Variants in PPIP5K2 observed in about 807,000 individuals in gnomAD.
PPIP5K2 encodes the protein diphosphoinositol pentakisphosphate kinase 2.
A neutral mutation model predicts 154.6 loss-of-function variants in PPIP5K2; 105 were observed. The observed-to-expected ratio is 0.68, with a 90% CI of 0.58 to 0.80. The LOEUF is 0.80. Among genes scored for constraint, PPIP5K2 ranks in the 30% least tolerant of loss-of-function variants. The probability of loss-of-function intolerance (pLI) is 0.00; values close to 1 mark genes in which losing one functional copy is unlikely to be tolerated. For synonymous variants in PPIP5K2, 480 were observed against 490.3 expected (o/e 0.98, Z 0.28); for missense variants, 992 against 1,504.6 (o/e 0.66, Z 5.64).
Position 103,177,917 on chromosome 5 carries a change from CA to C in PPIP5K2, c.2694del (p.Gly899ValfsTer47). The C allele has an allele frequency of 6.2e-7, 1 of 1,613,176 alleles. No homozygotes were observed. The highest frequency in any genetic ancestry group is 8.5e-7 in the Non-Finnish European group (1 of 1,179,378). On this transcript the variant is annotated frameshift_variant, in exon 23 of 31. Coordinates refer to ENST00000358359, the MANE Select transcript of PPIP5K2 (RefSeq NM_001276277.3). LOFTEE classifies it high-confidence loss of function. Reference protein sequence around the residue: ...HVELHFSPGAKGCEEDKNLPS... With the variant: ...HVELHFSPGAXGCEEDKNLPS... ...TTGAATTACACTTTAGTCCGGGAGC[CA>C]AAGGTTGTGAAGAAGACAAAAATTT...
intron 14 of PPIP5K2, among the ~76,000 whole-genome samples, chr5:103,157,224 A>T (rs1281011140): frequency 6.6e-6 from 1 of 152,052 alleles, no homozygotes; most frequent in African/African-American, 2.4e-5. Context: ...CCCAACACAG[A>T]TCTTAATACC....
intron 21 of PPIP5K2, chr5:103,177,001 T>C: frequency 1.1e-6 from 1 of 908,028 alleles, no homozygotes; most frequent in Middle Eastern, 2.3e-4. Context: ...AGGCCTATAT[T>C]GCATACATGA....
chr5:103,129,926 T>A (rs1190950196), intron 2 of PPIP5K2, among the ~76,000 whole-genome samples: 1 of 152,196 alleles, frequency 6.6e-6, no homozygotes, highest in Non-Finnish European at 1.5e-5. Context: ...GTGATACGCA[T>A]AGTGTAACTC....
At chr5:103,151,222 A>G (rs782810408) in intron 8 of PPIP5K2, 31 bp from the exon 9 acceptor site, 1 of 1,540,992 alleles carries the variant, frequency 6.5e-7, no homozygotes, top group South Asian at 1.2e-5. Context: ...ATTTAAATAA[A>G]ACCTTAAAGT....
chr5:103,164,881 A>G (rs1297597955), intron 17 of PPIP5K2, among the ~76,000 whole-genome samples: 1 of 152,096 alleles, frequency 6.6e-6, no homozygotes. Context: ...CTTTTATTCA[A>G]AAAAATTCAT....
At chr5:103,132,355 C>T (rs940782160) in intron 2 of PPIP5K2, among the ~76,000 whole-genome samples, 4 of 152,018 alleles carry the variant, frequency 2.6e-5, no homozygotes, top group African/African-American at 9.7e-5. Context: ...TCCTGGCTAA[C>T]ACGATGAAAC....
intron 4 of PPIP5K2, among the ~76,000 whole-genome samples, chr5:103,137,336 G>A (rs1291971885): frequency 2.0e-5 from 3 of 151,738 alleles, no homozygotes; most frequent in African/African-American, 7.3e-5. Context: ...CTAATTTTTT[G>A]TATTTTTAGT....
chr5:103,128,869 T>C (rs1554201571), intron 1 of PPIP5K2, among the ~76,000 whole-genome samples: 1 of 152,212 alleles, frequency 6.6e-6, no homozygotes, highest in African/African-American at 2.4e-5. Flanking sequence ...TTTTACAAAT[T>C]GACTTAATGT....
In PPIP5K2 at chr5:103,126,851, C is replaced by T. The variant is rs140247246; in HGVS notation, c.-284-2455C>T. Reference sequence around the variant, plus strand: ...GGGTCTGCCTTTCCCGGAACACTGACTCAAATGTTTATCTCCTTTGGCAGC... The same window carrying T: ...GGGTCTGCCTTTCCCGGAACACTGATTCAAATGTTTATCTCCTTTGGCAGC... On this transcript the variant is annotated intron_variant, in intron 1 of 30. Transcript: ENST00000358359. 2.6e-3 allele frequency among the ~76,000 whole-genome samples: 387 copies of T among 151,470 alleles called. 3 individuals carry two copies. Among genetic ancestry groups the T allele is most frequent in the Non-Finnish European group, 4.4e-3 (300 of 67,916 alleles).
chr5:103,191,832 T>G (rs1166541701), intron 29 of PPIP5K2, among the ~76,000 whole-genome samples: 2 of 151,974 alleles, frequency 1.3e-5, no homozygotes, highest in Non-Finnish European at 2.9e-5. Context: ...AGAGAGTGCT[T>G]TGCTTAGAGC....
intron 21 of PPIP5K2, among the ~76,000 whole-genome samples, chr5:103,176,038 T>C (rs1554220871): frequency 6.6e-6 from 1 of 152,094 alleles, no homozygotes; most frequent in Non-Finnish European, 1.5e-5. Flanking sequence ...TTATTCAGAA[T>C]GGATGGGGTA....
intron 29 of PPIP5K2, among the ~76,000 whole-genome samples, chr5:103,192,749 G>A (rs946320552): frequency 6.6e-5 from 10 of 152,048 alleles, no homozygotes; most frequent in African/African-American, 2.4e-4. Flanking sequence ...ATGAGGCAAA[G>A]GATATTAGAT....
rs572560966 is a variant in PPIP5K2 at position 103,138,299 on chromosome 5, A to G, written c.402-85A>G. 3.1e-5 allele frequency: 23 copies of G among 747,258 alleles called. No homozygotes were observed. The East Asian group carries it at 6.7e-4, about 22-fold the overall frequency. The allele number at this position is 747,258 out of a possible 1,614,324, so 46.3% of individuals were successfully genotyped here. A position where few individuals can be genotyped will look rare whatever the true frequency, so the allele number is the denominator to read the frequency against. On this transcript the variant is annotated intron_variant, in intron 4 of 30. Transcript: ENST00000358359. ...TACCCTTTTTAGTTATAGAACAACA[A>G]TAATGTCTTTTAAGAAAACTACAAT...
chr5:103,168,317 A>G (rs782285977), intron 19 of PPIP5K2, 22 bp downstream of exon 19: 2 of 1,503,004 alleles, frequency 1.3e-6, no homozygotes, highest in Non-Finnish European at 1.8e-6. Context: ...TTAAGAATCA[A>G]TTTCTTATAA....
chr5:103,159,272 A>G lies in PPIP5K2; in HGVS notation c.1864A>G (p.Arg622Gly), dbSNP rs977545200. The change falls in exon 17 of 31, where the codon AGG (arginine) becomes GGG (glycine). Residue 622 changes from arginine to glycine, a missense_variant. By Grantham distance (125) the Arg-to-Gly change is moderately radical. Coordinates refer to ENST00000358359, the MANE Select transcript of PPIP5K2 (RefSeq NM_001276277.3). ...CAGTTGTCAGCAACGTGTGAAGGCA[A>G]GGCTTCATGAAATACTTCAGAAAGA... ...LSSCQQRVKA[R>G]LHEILQKDRD... 8 of 1,613,176 alleles carry G rather than the reference A, an allele frequency of 5.0e-6. No homozygotes were observed. In the African/African-American group the frequency reaches 8.0e-5, roughly 16 times the overall value.
At chr5:103,141,401 C>T (rs143102466) in intron 5 of PPIP5K2, among the ~76,000 whole-genome samples, 15 of 151,982 alleles carry the variant, frequency 9.9e-5, no homozygotes, top group African/African-American at 3.1e-4. Flanking sequence ...TGGAGTTGTT[C>T]GTTCCTCCCG....
At chr5:103,185,456 T>C (rs1800208229) in intron 26 of PPIP5K2, among the ~76,000 whole-genome samples, 1 of 152,174 alleles carries the variant, frequency 6.6e-6, no homozygotes, top group African/African-American at 2.4e-5. Flanking sequence ...GAACTGTTGA[T>C]ACCTACATAC....
chr5:103,155,787 AT>A (rs1391799549), intron 13 of PPIP5K2, 121 bp from the exon 14 acceptor site: 359 of 704,148 alleles, frequency 5.1e-4, no homozygotes, highest in Middle Eastern at 7.9e-4. Flanking sequence ...ATATGGTACA[AT>A]TTTTTTTTGA....
chr5:103,145,542 G>C (rs1248922339), intron 5 of PPIP5K2, among the ~76,000 whole-genome samples: 1 of 151,984 alleles, frequency 6.6e-6, no homozygotes, highest in Non-Finnish European at 1.5e-5. Context: ...TATAGATAAT[G>C]GTATATTATT....
Sources: gnomAD v4.1 joint callset for allele counts (sites outside exome capture counted in the v4.1 genomes callset) on GRCh38, gnomAD v4.1.1 for gene constraint, MANE v1.5 for transcripts, NCBI Gene and HGNC (gene_info 2026-07-23, HGNC 2026-07-21) for gene names.